The following CA8 variants were observed in gnomAD, a reference collection of about 807,000 sequenced individuals.
The protein encoded by CA8 is carbonic anhydrase-related protein.
In CA8, 22 loss-of-function variants were observed where a neutral mutation model predicts 41.4. The ratio of observed to expected loss-of-function variants is 0.53; its 90% CI spans 0.38 to 0.76. The LOEUF is 0.76. Among genes scored for constraint, CA8 ranks in the 30% least tolerant of loss-of-function variants. The pLI, the probability that CA8 is intolerant of heterozygous loss-of-function variation, is 0.00. For missense variants in CA8, 270 were observed against 352.8 expected, an observed-to-expected ratio of 0.77 and a Z score of 1.88; for synonymous variants, 121 against 130.6, an observed-to-expected ratio of 0.93 and a Z score of 0.50.
At chr8:60,209,353 G>A (rs1354700233) in intron 7 of CA8, among the ~76,000 whole-genome samples, 1 of 152,076 alleles carries the variant, frequency 6.6e-6, no homozygotes, top group African/African-American at 2.4e-5. Context: ...GCTTGGTGGT[G>A]CACACCTGTA....
At position 60,187,093 on chromosome 8, in the gene CA8, A is replaced by G. The variant is rs1464247538; in HGVS notation, c.*2928T>C. On this transcript the variant is annotated 3_prime_UTR_variant, in exon 9 of 9. Coordinates refer to ENST00000317995, the MANE Select transcript of CA8 (RefSeq NM_004056.6). ...AAACCATATGCTAAGCCAGAAAGCA[A>G]ACCTCGATAAATTTAAGACTGAGAT... Among the ~76,000 whole-genome samples, 2 of 152,102 alleles carry G rather than the reference A, an allele frequency of 1.3e-5. No homozygotes were observed. Among genetic ancestry groups the G allele is most frequent in the Non-Finnish European group, 2.9e-5 (2 of 67,954 alleles).
chr8:60,204,977 T>C (rs1158498650), intron 8 of CA8, among the ~76,000 whole-genome samples: 2 of 152,198 alleles, frequency 1.3e-5, no homozygotes, highest in Non-Finnish European at 2.9e-5. Context: ...TGATATGAAA[T>C]TGATACTTGT....
chr8:60,231,896 A>G lies in CA8; in HGVS notation c.513+388T>C, dbSNP rs78908306. Among the ~76,000 whole-genome samples, 734 of 152,328 alleles carry G rather than the reference A, an allele frequency of 4.8e-3. 4 individuals are homozygous for G. The highest frequency in any genetic ancestry group is 0.017 in the African/African-American group (693 of 41,592). On this transcript the variant is annotated intron_variant, in intron 4 of 8. Coordinates refer to ENST00000317995, the MANE Select transcript of CA8 (RefSeq NM_004056.6). ...TCAGAGTGAAAATTGTTAATAAAGA[A>G]GGGCTAAAGTAATCTACTACATACT...
chr8:60,221,384 T>C (rs570597879), intron 7 of CA8, among the ~76,000 whole-genome samples: 1 of 152,364 alleles, frequency 6.6e-6, no homozygotes, highest in East Asian at 1.9e-4. Flanking sequence ...TGTGTCCAGT[T>C]AGCATTCAGG....
chr8:60,255,246 C>G (rs1808588176), intron 3 of CA8, among the ~76,000 whole-genome samples: 1 of 151,950 alleles, frequency 6.6e-6, no homozygotes. Flanking sequence ...CACCCCCAGC[C>G]CCCCACCGCC....
chr8:60,227,135 C>CA (rs1396287134), intron 4 of CA8, among the ~76,000 whole-genome samples, 200 bp from the exon 5 acceptor site: 1 of 151,946 alleles, frequency 6.6e-6, no homozygotes, highest in African/African-American at 2.4e-5. Context: ...ACTAAAAATG[C>CA]AAAAAATTAG....
chr8:60,224,492 T>C lies in CA8; in HGVS notation c.625+45A>G, dbSNP rs369087184. On this transcript the variant is annotated intron_variant, in intron 6 of 8. Coordinates refer to ENST00000317995, the MANE Select transcript of CA8 (RefSeq NM_004056.6). ...TAGTCTGAAGAAAACAATGTGACTA[T>C]AGCCACAGTTAAAATTCATTTTATG... is the stretch of plus-strand genomic sequence containing the variant. 3.4e-5 allele frequency: 37 copies of C among 1,088,724 alleles called. 1 individual carries two copies. The highest frequency in any genetic ancestry group is 4.7e-5 in the Non-Finnish European group (33 of 703,796). The allele number at this position is 1,088,724 out of a possible 1,614,324, so 67.4% of individuals were successfully genotyped here. A position where few individuals can be genotyped will look rare whatever the true frequency, so the allele number is the denominator to read the frequency against.
At chr8:60,218,048 C>T (rs895281273) in intron 7 of CA8, among the ~76,000 whole-genome samples, 2 of 152,208 alleles carry the variant, frequency 1.3e-5, no homozygotes, top group African/African-American at 4.8e-5. Context: ...CCCTCTCCAA[C>T]CCCCTCATGT....
intron 2 of CA8, 61 bp from the exon 3 acceptor site, chr8:60,266,110 T>A: frequency 6.6e-7 from 1 of 1,507,778 alleles, no homozygotes; most frequent in African/African-American, 1.9e-5. Flanking sequence ...ATTATAAACA[T>A]TAGAGACTTT....
chr8:60,268,302 A>AAC, intron 2 of CA8, among the ~76,000 whole-genome samples: 1 of 152,158 alleles, frequency 6.6e-6, no homozygotes, highest in African/African-American at 2.4e-5. Context: ...ATACACTCAG[A>AAC]ACACACACAC....
intron 7 of CA8, among the ~76,000 whole-genome samples, chr8:60,211,125 A>G (rs922524548): frequency 2.6e-5 from 4 of 152,228 alleles, no homozygotes; most frequent in Admixed American, 6.5e-5. Context: ...CTCAGTTTCC[A>G]CATGTGTATA....
intron 3 of CA8, among the ~76,000 whole-genome samples, chr8:60,255,571 T>C (rs1808607975): frequency 3.3e-5 from 5 of 152,182 alleles, no homozygotes; most frequent in Admixed American, 3.3e-4. Context: ...TTAAGCTGAG[T>C]TTAGAGAATT....
At chr8:60,272,451 C>G (rs1339609394) in intron 2 of CA8, among the ~76,000 whole-genome samples, 1 of 152,058 alleles carries the variant, frequency 6.6e-6, no homozygotes, top group Admixed American at 6.6e-5. Flanking sequence ...TGAATTTGCT[C>G]CATAATACCC....
At chr8:60,201,595 T>A (rs1806430859) in intron 8 of CA8, among the ~76,000 whole-genome samples, 1 of 152,156 alleles carries the variant, frequency 6.6e-6, no homozygotes, top group African/African-American at 2.4e-5. Flanking sequence ...TATCATTTTT[T>A]GGTGAGGAAA....
chr8:60,264,517 G>C (rs539192746), intron 3 of CA8, among the ~76,000 whole-genome samples: 3 of 152,166 alleles, frequency 2.0e-5, no homozygotes, highest in African/African-American at 7.2e-5. Flanking sequence ...TCCTTGTCAG[G>C]TTGGCTGAGG....
At chr8:60,214,123 A>C (rs1585859760) in intron 7 of CA8, among the ~76,000 whole-genome samples, 1 of 152,232 alleles carries the variant, frequency 6.6e-6, no homozygotes. Context: ...TTGTGCTGTT[A>C]TAACAGAATA....
At chr8:60,205,030 A>G (rs1806536331) in intron 8 of CA8, among the ~76,000 whole-genome samples, 1 of 152,208 alleles carries the variant, frequency 6.6e-6, no homozygotes, top group African/African-American at 2.4e-5. Flanking sequence ...ATTAACCGCA[A>G]AAGTACAAGT....
chr8:60,228,998 CA>C (rs1807542148), intron 4 of CA8, among the ~76,000 whole-genome samples: 1 of 152,170 alleles, frequency 6.6e-6, no homozygotes, highest in Admixed American at 6.5e-5. Flanking sequence ...TAAAACCGTG[CA>C]AGCAGCTGTT....
At position 60,195,936 on chromosome 8, in the gene CA8, T is replaced by C. The variant is rs564122677; in HGVS notation, c.*36-5951A>G. ...AGAGTCAAAAGAGAAGAGGGAAACATGCCACTGGATTTGGAAACAGAAATC... is the reference window on the plus strand; with the variant it reads ...AGAGTCAAAAGAGAAGAGGGAAACACGCCACTGGATTTGGAAACAGAAATC... On this transcript the variant is annotated intron_variant, in intron 8 of 8. Transcript: ENST00000317995. Among the ~76,000 whole-genome samples, 22 of 152,228 alleles carry C rather than the reference T, an allele frequency of 1.4e-4. No individual in the cohort carries two copies. The East Asian group carries it at 4.2e-3, about 29-fold the overall frequency.
Sources: gnomAD v4.1 joint callset for allele counts (sites outside exome capture counted in the v4.1 genomes callset) on GRCh38, gnomAD v4.1.1 for gene constraint, MANE v1.5 for transcripts, NCBI Gene and HGNC (gene_info 2026-07-23, HGNC 2026-07-21) for gene names.